The following LAMC2 variants were observed in gnomAD, a reference collection of about 807,000 sequenced individuals.
The protein encoded by LAMC2 is laminin subunit gamma 2.
Under a neutral mutation model 140.2 loss-of-function variants are expected in LAMC2, and 97 were observed. That is an observed-to-expected ratio of 0.69 (90% CI 0.59 to 0.82). The LOEUF (loss-of-function observed/expected upper bound fraction) is 0.82. Ranked by LOEUF, LAMC2 falls within the 40% of genes least tolerant of loss-of-function variation. LAMC2 has a pLI of 0.00. For missense variants in LAMC2, 1,402 were observed against 1,476.1 expected, an observed-to-expected ratio of 0.95 and a Z score of 0.82; for synonymous variants, 513 against 540.2, an observed-to-expected ratio of 0.95 and a Z score of 0.70.
chr1:183,239,274 C>A (rs1660055212), intron 19 of LAMC2, 90 bp from the exon 20 acceptor site: 1 of 1,169,446 alleles, frequency 8.6e-7, no homozygotes, highest in Non-Finnish European at 1.3e-6. Context: ...AACACTCTTT[C>A]AGGAATTTTT....
Position 183,239,459 on chromosome 1 carries a change from A to G in LAMC2, c.2965A>G (p.Lys989Glu). 2.5e-6 allele frequency: 4 copies of G among 1,614,166 alleles called. No individual in the cohort carries two copies. Among genetic ancestry groups the G allele is most frequent in the Non-Finnish European group, 3.4e-6 (4 of 1,180,014 alleles). ...CCAGAAGGTTTCAGATGCCAGTGAC[A>G]AGACCCAGCAAGCAGAAAGAGCCCT... ...ISQKVSDASDKTQQAERALGS... is the reference protein window; with the variant it reads ...ISQKVSDASDETQQAERALGS... Residue 989 changes from lysine (K) to glutamate (E), a missense_variant, in exon 20 of 23, where the codon AAG becomes GAG. This residue lies in a region of LAMC2 where 670 missense variants were observed against 667.2 expected (regional missense o/e 1.00). Transcript: ENST00000264144.
Position 183,240,042 on chromosome 1 carries a change from G to T in LAMC2, c.3072G>T (p.Glu1024Asp), listed in dbSNP as rs947287099. Residue 1024 changes from glutamate to aspartate, a missense_variant and splice_region_variant, in exon 21 of 23, where the codon GAG (glutamate) becomes GAT (aspartate). Glu to Asp is a conservative substitution (Grantham distance 45, BLOSUM62 2). Transcript: ENST00000264144. ...CCTGGCTCCTTTTCTTCTCTCAGGAGATTGGGAGTCTGAACTTGGAAGCCA... is the reference window on the plus strand; with the variant it reads ...CCTGGCTCCTTTTCTTCTCTCAGGATATTGGGAGTCTGAACTTGGAAGCCA... ...ALEISSEIEQ[E>D]IGSLNLEANV... The T allele has an allele frequency of 4.3e-6, 7 of 1,614,132 alleles. No homozygotes were observed. The highest frequency in any genetic ancestry group is 5.9e-6 in the Non-Finnish European group (7 of 1,180,022).
intron 2 of LAMC2, among the ~76,000 whole-genome samples, chr1:183,214,565 A>G (rs1022014129): frequency 6.6e-6 from 1 of 152,162 alleles, no homozygotes; most frequent in Non-Finnish European, 1.5e-5. Flanking sequence ...AGGGTCTTGC[A>G]GATCATGATA....
intron 22 of LAMC2, chr1:183,241,179 C>T (rs1318024007): frequency 5.1e-6 from 2 of 392,478 alleles, no homozygotes; most frequent in African/African-American, 2.2e-5. Context: ...ACCCAGGAGG[C>T]GGAGGTTACA....
At chr1:183,252,314 C>T in the LAMC2 span, 1 of 286,366 alleles carries the variant, frequency 3.5e-6, no homozygotes, top group Non-Finnish European at 6.6e-6. Context: ...CTCCCCAGAG[C>T]GTGCTGGGAG....
At chr1:183,211,694 G>A (rs1384023875) in intron 2 of LAMC2, among the ~76,000 whole-genome samples, 1 of 151,680 alleles carries the variant, frequency 6.6e-6, no homozygotes, top group African/African-American at 2.4e-5. Context: ...ATTTTTTTGT[G>A]GAGACAGGGT....
intron 1 of LAMC2, among the ~76,000 whole-genome samples, chr1:183,186,643 A>G (rs6703054): frequency 1.3e-5 from 2 of 152,016 alleles, no homozygotes; most frequent in African/African-American, 4.8e-5. Flanking sequence ...AAATAGTAAG[A>G]CAATAAGCTG....
At chr1:183,205,668 G>A (rs1454996008) in intron 1 of LAMC2, among the ~76,000 whole-genome samples, 1 of 152,110 alleles carries the variant, frequency 6.6e-6, no homozygotes, top group African/African-American at 2.4e-5. Flanking sequence ...ACTTGAACAG[G>A]AAAAGACTAA....
chr1:183,194,088 T>C (rs1360973401), intron 1 of LAMC2, among the ~76,000 whole-genome samples: 2 of 152,042 alleles, frequency 1.3e-5, no homozygotes, highest in Non-Finnish European at 2.9e-5. Context: ...CCCAGCTAAT[T>C]TTTATATTTT....
the LAMC2 span, among the ~76,000 whole-genome samples, chr1:183,255,323 G>A: frequency 6.6e-6 from 1 of 152,084 alleles, no homozygotes; most frequent in African/African-American, 2.4e-5. Context: ...CTACAGCTTT[G>A]TAATATAATT....
intron 1 of LAMC2, among the ~76,000 whole-genome samples, chr1:183,194,945 A>G (rs992516633): frequency 6.6e-6 from 1 of 152,156 alleles, no homozygotes; most frequent in African/African-American, 2.4e-5. Context: ...GAATCTTACC[A>G]CAATCACTTC....
chr1:183,226,784 C>T lies in LAMC2; in HGVS notation c.1153C>T (p.Pro385Ser), dbSNP rs1659638883. The T allele has an allele frequency of 6.2e-7, 1 of 1,614,068 alleles. No homozygotes were observed. The highest frequency in any genetic ancestry group is 1.3e-5 in the African/African-American group (1 of 74,920). ...ACCCTGGGTTGAACAGTGTATATGTCCTGTTGGGTACAAGGGGCAATTCTG... is the reference window on the plus strand; with the variant it reads ...ACCCTGGGTTGAACAGTGTATATGTTCTGTTGGGTACAAGGGGCAATTCTG... ...PAPWVEQCIC[P>S]VGYKGQFCQD... is the part of the protein sequence containing the mutation. The change falls in exon 9 of 23, where the codon CCT (proline) becomes TCT (serine). Residue 385 changes from proline (P) to serine (S), a missense_variant. Physicochemically the swap from Pro to Ser is moderately conservative, Grantham distance 74 (BLOSUM62 -1). Around this residue, in one of 3 missense-constraint regions of LAMC2, gnomAD observed 723 missense variants for 783.3 expected, o/e 0.92. Transcript: ENST00000264144.
At chr1:183,190,701 A>C (rs1658303443) in intron 1 of LAMC2, among the ~76,000 whole-genome samples, 1 of 152,184 alleles carries the variant, frequency 6.6e-6, no homozygotes, top group Non-Finnish European at 1.5e-5. Flanking sequence ...TTTATGTTTA[A>C]TTTAGTAAAT....
At position 183,223,399 on chromosome 1, in the gene LAMC2, AATC is replaced by A. The variant is rs1659534566; in HGVS notation, c.953+81_953+83del. 17 of 1,390,212 alleles carry A rather than the reference AATC, an allele frequency of 1.2e-5. No individual in the cohort carries two copies. The South Asian group carries it at 2.0e-4, about 16-fold the overall frequency. 86.1% of individuals were successfully genotyped at this position (1,390,212 alleles called of 1,614,324 possible). On this transcript the variant is annotated intron_variant, in intron 7 of 22. Coordinates refer to ENST00000264144, the MANE Select transcript of LAMC2 (RefSeq NM_005562.3). Reference sequence around the variant, plus strand: ...GTTCAAGTTTGTTCTTTATTCATTCAATCATCATTCATTTGTTCAACAAGCCTT... The same window carrying A: ...GTTCAAGTTTGTTCTTTATTCATTCAATCATTCATTTGTTCAACAAGCCTT...
At chr1:183,223,429 C>T in intron 7 of LAMC2, 105 bp downstream of exon 7, 1 of 1,116,704 alleles carries the variant, frequency 9.0e-7, no homozygotes, top group Admixed American at 1.9e-5. Context: ...ACAAGCCTTT[C>T]TGAGCACCTT....
chr1:183,236,463 G>T lies in LAMC2; in HGVS notation c.2460G>T (p.Leu820Phe). 6.2e-7 allele frequency: 1 copy of T among 1,612,848 alleles called. No homozygotes were observed. The highest frequency in any genetic ancestry group is 1.3e-5 in the African/African-American group (1 of 74,684). Residue 820 changes from leucine (L) to phenylalanine (F), a missense_variant, in exon 17 of 23, where the codon TTG becomes TTT. Leu to Phe is a conservative substitution (Grantham distance 22, BLOSUM62 0). Around this residue, in one of 3 missense-constraint regions of LAMC2, gnomAD observed 670 missense variants for 667.2 expected, o/e 1.00. Transcript: ENST00000264144. ...CCCTCCCCACCCCCAACACCAGATTGGAGAAAACCAAGTCCCTGGCCCAGC... is the reference window on the plus strand; with the variant it reads ...CCCTCCCCACCCCCAACACCAGATTTGAGAAAACCAAGTCCCTGGCCCAGC... ...GAVVQGLVEK[L>F]EKTKSLAQQL...
Position 183,222,195 on chromosome 1 carries a change from C to A in LAMC2, c.747C>A (p.Val249=). Residue 249 remains valine (V), a synonymous_variant, in exon 6 of 23, where the codon GTC becomes GTA. Coordinates refer to ENST00000264144, the MANE Select transcript of LAMC2 (RefSeq NM_005562.3). Reference sequence around the variant, plus strand: ...GCTCAGCCCAACGACTAGACCCTGTCTATTTTGTGGCTCCTGGTATGTGAG... The same window carrying A: ...GCTCAGCCCAACGACTAGACCCTGTATATTTTGTGGCTCCTGGTATGTGAG... ...VFSSAQRLDP[V]YFVAPAKFLG... 1 of 1,614,120 alleles carries A rather than the reference C, an allele frequency of 6.2e-7. No individual in the cohort carries two copies. The highest frequency in any genetic ancestry group is 1.6e-4 in the Middle Eastern group (1 of 6,062).
At chr1:183,204,116 C>T (rs1658808153) in intron 1 of LAMC2, among the ~76,000 whole-genome samples, 1 of 152,018 alleles carries the variant, frequency 6.6e-6, no homozygotes, top group African/African-American at 2.4e-5. Context: ...ACCACGAGAA[C>T]CTGTCTCTAC....
At position 183,217,493 on chromosome 1, in the gene LAMC2, A is replaced by G. The variant is rs1258033518; in HGVS notation, c.405-897A>G. Among the ~76,000 whole-genome samples the G allele has an allele frequency of 5.3e-5, 8 of 152,364 alleles. No individual in the cohort carries two copies. In the South Asian group the frequency reaches 1.5e-3, roughly 28 times the overall value. Reference sequence around the variant, plus strand: ...AACTTGTACACACACATTCACAGCAACATTACTCATAATAGCTGAAAAGTG... The same window carrying G: ...AACTTGTACACACACATTCACAGCAGCATTACTCATAATAGCTGAAAAGTG... On this transcript the variant is annotated intron_variant, in intron 3 of 22. Transcript: ENST00000264144.
Sources: allele counts gnomAD v4.1 joint callset (sites outside exome capture counted in the v4.1 genomes callset), GRCh38; gene constraint gnomAD v4.1.1; regional missense constraint gnomAD v4.1.1; transcripts MANE v1.5; gene names NCBI Gene and HGNC (gene_info 2026-07-23, HGNC 2026-07-21).